WNT9B: variants seen among roughly 807,000 people sequenced by gnomAD.
WNT9B encodes Wnt family member 9B.
WNT9B carries 12 observed loss-of-function variants against 30.2 expected under a neutral mutation model. The ratio of observed to expected loss-of-function variants is 0.40; its 90% confidence interval spans 0.26 to 0.64. The LOEUF is 0.64. WNT9B is among the 30% of genes least tolerant of loss of function. The pLI is 0.42. For synonymous variants in WNT9B, 218 were observed against 216.9 expected (o/e 1.01, Z -0.05); for missense variants, 442 against 485.2 (o/e 0.91, Z 0.84).
intron 1 of WNT9B, among the ~76,000 whole-genome samples, chr17:46,866,416 A>G (rs1186444793): frequency 6.6e-6 from 1 of 151,550 alleles, no homozygotes; most frequent in Admixed American, 6.6e-5. Context: ...GCATGAGTGT[A>G]TGTGCGAGTA....
At chr17:46,859,453 T>C (rs530090965) in intron 1 of WNT9B, among the ~76,000 whole-genome samples, 113 of 152,372 alleles carry the variant, frequency 7.4e-4, no homozygotes, top group African/African-American at 2.6e-3. Context: ...TGATTCAATA[T>C]GTGTGGGCCT....
chr17:46,873,389 G>A (rs980623862), intron 2 of WNT9B, among the ~76,000 whole-genome samples: 1 of 151,642 alleles, frequency 6.6e-6, no homozygotes, highest in Non-Finnish European at 1.5e-5. Flanking sequence ...ACCAGACCCA[G>A]CTACCCTCGG....
chr17:46,872,697 G>A lies in WNT9B; in HGVS notation c.258G>A (p.Leu86=). Residue 86 remains leucine, a synonymous_variant, in exon 2 of 4, where the codon CTG becomes CTA. Transcript: ENST00000290015. ...TGAGGGATGCTGCGCACCTCGGCCTGCTTGAGTGCCAGTTTCAGTTCCGGC... is the reference window on the plus strand; with the variant it reads ...TGAGGGATGCTGCGCACCTCGGCCTACTTGAGTGCCAGTTTCAGTTCCGGC... ...ETLRDAAHLG[L]LECQFQFRHE... 1 of 1,613,538 alleles carries A rather than the reference G, an allele frequency of 6.2e-7. No individual in the cohort carries two copies. The highest frequency in any genetic ancestry group is 1.3e-5 in the African/African-American group (1 of 75,012).
At chr17:46,865,434 G>A (rs938876071) in intron 1 of WNT9B, among the ~76,000 whole-genome samples, 5 of 152,114 alleles carry the variant, frequency 3.3e-5, no homozygotes, top group Non-Finnish European at 7.4e-5. Flanking sequence ...GAGGCTGTGG[G>A]GTGGGCTCCA....
chr17:46,886,651 G>A (rs2085492252), exon 5 of WNT9B: 1 of 152,220 alleles, frequency 6.6e-6, no homozygotes, highest in Non-Finnish European at 1.5e-5. Flanking sequence ...TCATGTTGCT[G>A]GTTGGAGTTC....
intron 1 of WNT9B, among the ~76,000 whole-genome samples, chr17:46,833,648 A>C (rs770221614): frequency 8.5e-5 from 13 of 152,126 alleles, no homozygotes; most frequent in Non-Finnish European, 1.8e-4. Flanking sequence ...CAGTTCTAAC[A>C]AAATCAAGAA....
chr17:46,849,131 A>T (rs1287528850), upstream of WNT9B, among the ~76,000 whole-genome samples: 1 of 152,176 alleles, frequency 6.6e-6, no homozygotes, highest in Admixed American at 6.5e-5. Flanking sequence ...CATCAGGAGG[A>T]GGGAACCCAA....
intron 1 of WNT9B, among the ~76,000 whole-genome samples, chr17:46,836,733 G>C (rs1232055522): frequency 6.6e-6 from 1 of 152,192 alleles, no homozygotes; most frequent in African/African-American, 2.4e-5. Context: ...AGCAGGGTTG[G>C]CCAGGGTCAT....
chr17:46,851,145 G>C (rs1348082397), upstream of WNT9B, among the ~76,000 whole-genome samples: 1 of 152,102 alleles, frequency 6.6e-6, no homozygotes, highest in Non-Finnish European at 1.5e-5. The surrounding 1 kb of genome is among the most constrained non-coding windows in gnomAD (Gnocchi z 4.3). Context: ...TGCCCGGCAG[G>C]AGGGCGGACA....
chr17:46,834,404 A>G (rs1340590140), intron 1 of WNT9B, among the ~76,000 whole-genome samples: 1 of 152,112 alleles, frequency 6.6e-6, no homozygotes, highest in East Asian at 1.9e-4. Flanking sequence ...GGCGCGCATT[A>G]GGAGATGGAG....
intron 1 of WNT9B, 83 bp from the exon 2 acceptor site, chr17:46,872,434 C>T: frequency 7.1e-7 from 1 of 1,413,848 alleles, no homozygotes; most frequent in Admixed American, 2.7e-5. Context: ...GTAAATGAAG[C>T]CCCTGAGGAG....
chr17:46,883,563 G>A (rs958891025), downstream of WNT9B, among the ~76,000 whole-genome samples: 9 of 152,366 alleles, frequency 5.9e-5, no homozygotes, highest in African/African-American at 2.2e-4. Context: ...GGGATTACAG[G>A]CGTGAGCCAC....
chr17:46,861,667 C>T (rs1335337485), intron 1 of WNT9B, among the ~76,000 whole-genome samples: 1 of 152,192 alleles, frequency 6.6e-6, no homozygotes, highest in Non-Finnish European at 1.5e-5. Context: ...GCCTCTTCTA[C>T]ACCCAAGCCC....
At position 46,876,494 on chromosome 17, in the gene WNT9B, A is replaced by C. The variant is rs886733407; in HGVS notation, c.850A>C (p.Met284Leu). 6.2e-6 allele frequency: 10 copies of C among 1,613,626 alleles called. No homozygotes were observed. The highest frequency in any genetic ancestry group is 8.5e-6 in the Non-Finnish European group (10 of 1,180,022). Reference protein sequence around the residue: ...LAPRSGDLVYMEDSPSFCRPS... With the variant: ...LAPRSGDLVYLEDSPSFCRPS... ...CCCAAGGTCTGGGGACCTGGTGTACATGGAGGACTCACCCAGCTTCTGCCG... is the reference window on the plus strand; with the variant it reads ...CCCAAGGTCTGGGGACCTGGTGTACCTGGAGGACTCACCCAGCTTCTGCCG... Residue 284 changes from methionine (M) to leucine (L), a missense_variant, in exon 4 of 4, where the codon ATG becomes CTG. Met to Leu is a conservative substitution (Grantham distance 15, BLOSUM62 2). Transcript: ENST00000290015.
At chr17:46,840,762 G>A (rs1390870633) in intron 1 of WNT9B, among the ~76,000 whole-genome samples, 1 of 152,314 alleles carries the variant, frequency 6.6e-6, no homozygotes, top group Middle Eastern at 3.4e-3. Context: ...GTGATGATGA[G>A]CATTTTTTCA....
chr17:46,872,906 G>A (rs1003911477), intron 2 of WNT9B, 133 bp downstream of exon 2: 12 of 1,116,598 alleles, frequency 1.1e-5, no homozygotes, highest in African/African-American at 6.3e-5. Context: ...GCCCTAGCAC[G>A]GTCCCAAATG....
At chr17:46,846,132 A>T (rs569239216) in intron 1 of WNT9B, among the ~76,000 whole-genome samples, 1 of 152,206 alleles carries the variant, frequency 6.6e-6, no homozygotes, top group East Asian at 1.9e-4. Context: ...GTCACTACTT[A>T]CTTACCTATA....
chr17:46,869,118 C>A lies in WNT9B; in HGVS notation c.78-3399C>A, dbSNP rs544669770. On this transcript the variant is annotated intron_variant, in intron 1 of 3. Transcript: ENST00000290015. Reference sequence around the variant, plus strand: ...GCCAGGGAGCCTTCTTTGAGAGCAGCCCTGGGCAGACCAGGGCCCGGTGTG... The same window carrying A: ...GCCAGGGAGCCTTCTTTGAGAGCAGACCTGGGCAGACCAGGGCCCGGTGTG... Among the ~76,000 whole-genome samples the A allele has an allele frequency of 9.8e-5, 15 of 152,296 alleles. No homozygotes were observed. In the South Asian group the frequency reaches 3.1e-3, roughly 32 times the overall value.
At position 46,876,908 on chromosome 17, in the gene WNT9B, G is replaced by T. The variant is rs1218415373; in HGVS notation, c.*190G>T. 1.5e-6 allele frequency: 2 copies of T among 1,364,024 alleles called. No homozygotes were observed. The highest frequency in any genetic ancestry group is 1.9e-6 in the Non-Finnish European group (2 of 1,058,616). The allele number at this position is 1,364,024 out of a possible 1,614,324, so 84.5% of individuals were successfully genotyped here. A position where few individuals can be genotyped will look rare whatever the true frequency, so the allele number is the denominator to read the frequency against. On this transcript the variant is annotated 3_prime_UTR_variant, in exon 4 of 4. Coordinates refer to ENST00000290015, the MANE Select transcript of WNT9B (RefSeq NM_003396.3). ...TTTGCCTCCCTCGATACTCAACAAA[G>T]AGAAGCAAAGCCTCCTCCCTTAACC...
Sources: gnomAD v4.1 joint callset for allele counts (sites outside exome capture counted in the v4.1 genomes callset) on GRCh38, gnomAD v4.1.1 for gene constraint, Gnocchi (gnomAD v3.1) non-coding constraint, MANE v1.5 for transcripts, NCBI Gene and HGNC (gene_info 2026-07-23, HGNC 2026-07-21) for gene names.